ADCY10: variants seen among roughly 807,000 people sequenced by gnomAD.
ADCY10 encodes adenylate cyclase type 10.
A neutral mutation model predicts 183.3 loss-of-function variants in ADCY10; 156 were observed. That is an observed-to-expected ratio of 0.85 (90% CI 0.75 to 0.97). The LOEUF is 0.97. Ranked by LOEUF, ADCY10 falls within the 50% of genes least tolerant of loss-of-function variation. The probability of loss-of-function intolerance (pLI) is 0.00; values close to 1 mark genes in which losing one functional copy is unlikely to be tolerated. For synonymous variants in ADCY10, 645 were observed against 670.0 expected, an observed-to-expected ratio of 0.96 and a Z score of 0.58; for missense variants, 1,745 against 1,934.3, an observed-to-expected ratio of 0.90 and a Z score of 1.84.
intron 1 of ADCY10, among the ~76,000 whole-genome samples, chr1:167,905,548 A>G (rs1669753670): frequency 6.6e-6 from 1 of 151,198 alleles, no homozygotes; most frequent in African/African-American, 2.4e-5. Flanking sequence ...TTCTGTCCTC[A>G]TGTTTCCTTT....
intron 13 of ADCY10, 85 bp downstream of exon 13, chr1:167,875,046 A>T: frequency 9.1e-7 from 1 of 1,098,102 alleles, no homozygotes; most frequent in Non-Finnish European, 1.4e-6. Context: ...TAATTCATTA[A>T]GCTGCACAGT....
chr1:167,899,681 A>C, intron 5 of ADCY10, 53 bp from the exon 6 acceptor site: 1 of 1,568,414 alleles, frequency 6.4e-7, no homozygotes, highest in Admixed American at 1.7e-5. Flanking sequence ...ATTATTTCCC[A>C]GCAGCACAGG....
intron 30 of ADCY10, chr1:167,820,123 A>G (rs935412475): frequency 1.3e-5 from 21 of 1,558,784 alleles, no homozygotes; most frequent in Non-Finnish European, 1.8e-5. Flanking sequence ...CTTTTGGACC[A>G]TGACTCAGCT....
chr1:167,824,094 GT>G (rs1292795618), intron 28 of ADCY10, among the ~76,000 whole-genome samples: 1 of 152,254 alleles, frequency 6.6e-6, no homozygotes, highest in Non-Finnish European at 1.5e-5. Context: ...GCTGAGGTGG[GT>G]GGGTCACTTG....
intron 21 of ADCY10, among the ~76,000 whole-genome samples, chr1:167,841,746 T>C (rs1317931954): frequency 6.6e-6 from 1 of 152,092 alleles, no homozygotes; most frequent in Non-Finnish European, 1.5e-5. Context: ...CCACTGGGAT[T>C]ATAGGCATGA....
intron 16 of ADCY10, among the ~76,000 whole-genome samples, chr1:167,858,599 T>C (rs961661616): frequency 6.7e-6 from 1 of 149,012 alleles, no homozygotes; most frequent in Non-Finnish European, 1.5e-5. Context: ...TAGTATAGAG[T>C]GTATAGTATA....
chr1:167,848,264 T>A (rs900440802), intron 19 of ADCY10, 97 bp downstream of exon 19: 35 of 980,080 alleles, frequency 3.6e-5, no homozygotes, highest in Non-Finnish European at 5.5e-5. Context: ...TTGGCCAGGC[T>A]GGTCTCAAAC....
At chr1:167,831,820 T>TA (rs1032152176) in intron 25 of ADCY10, among the ~76,000 whole-genome samples, 1 of 152,190 alleles carries the variant, frequency 6.6e-6, no homozygotes, top group Non-Finnish European at 1.5e-5. Flanking sequence ...AGATGTATAC[T>TA]AAAAAAAGTA....
intron 13 of ADCY10, among the ~76,000 whole-genome samples, chr1:167,871,751 T>A (rs1667120542): frequency 1.3e-5 from 2 of 152,252 alleles, no homozygotes; most frequent in Non-Finnish European, 2.9e-5. Context: ...GTGCTTTGCT[T>A]GGTAATATAC....
Position 167,856,403 on chromosome 1 carries a change from C to T in ADCY10, c.1933G>A (p.Glu645Lys). The T allele has an allele frequency of 3.7e-6, 6 of 1,614,160 alleles. No individual in the cohort carries two copies. The highest frequency in any genetic ancestry group is 5.1e-6 in the Non-Finnish European group (6 of 1,180,030). The change falls in exon 17 of 33, where the codon GAG (glutamate) becomes AAG (lysine). Residue 645 changes from glutamate to lysine, a missense_variant. By Grantham distance (56) the Glu-to-Lys change is moderately conservative. Transcript: ENST00000367851. ...GAGGTCGAATCCACAAACTGGGCCT[C>T]ATCAATGATAAAAATAATCCTTTCC... ...KEERIIFIID[E>K]AQFVDSTSWR... is the part of the protein sequence containing the mutation.
At chr1:167,896,151 C>T (rs1294985785) in intron 7 of ADCY10, among the ~76,000 whole-genome samples, 4 of 151,668 alleles carry the variant, frequency 2.6e-5, no homozygotes, top group Admixed American at 1.3e-4. Flanking sequence ...TAGGTGTCAG[C>T]GGTGCAAGAC....
chr1:167,864,216 ATGTGGTG>A (rs1415751616), intron 14 of ADCY10, among the ~76,000 whole-genome samples: 10 of 152,190 alleles, frequency 6.6e-5, no homozygotes. Flanking sequence ...TGTGGTGTGC[ATGTGGTG>A]TGAGAGTGGT....
chr1:167,861,372 C>T (rs1448945663), intron 14 of ADCY10, among the ~76,000 whole-genome samples: 2 of 152,320 alleles, frequency 1.3e-5, no homozygotes, highest in East Asian at 3.9e-4. Context: ...CATTGCCTAA[C>T]GGCATGAACC....
chr1:167,901,678 G>A lies in ADCY10; in HGVS notation c.420C>T (p.Asp140=), dbSNP rs1669434755. Residue 140 remains aspartate (D), a synonymous_variant, in exon 5 of 33, where the codon GAC becomes GAT. Coordinates refer to ENST00000367851, the MANE Select transcript of ADCY10 (RefSeq NM_018417.6). Reference sequence around the variant, plus strand: ...AATGCTTACCTATCTTGACTCGGATGTCTAGGCCTTCTTCCCACTCCTGGG... The same window carrying A: ...AATGCTTACCTATCTTGACTCGGATATCTAGGCCTTCTTCCCACTCCTGGG... ...FETQEWEEGL[D]IRVKIGLAAG... is the part of the protein sequence containing the mutation. The A allele has an allele frequency of 2.5e-6, 4 of 1,614,162 alleles. No homozygotes were observed. In the East Asian group the frequency reaches 8.9e-5, roughly 36 times the overall value.
At position 167,832,992 on chromosome 1, in the gene ADCY10, A is replaced by T; in HGVS notation, c.3588T>A (p.Pro1196=). Residue 1196 remains proline (P), a synonymous_variant, in exon 25 of 33, where the codon CCT becomes CCA. Transcript: ENST00000367851. The part of the protein sequence containing the change: ...YVNRQAQESP[P]PGKKRLAQLY... ...TCCCCAGCTCCTTCCCTTACCCTGG[A>T]GGTGGGCTCTCTTGGGCCTGCCGAT... 6.2e-7 allele frequency: 1 copy of T among 1,613,766 alleles called. No individual in the cohort carries two copies. The highest frequency in any genetic ancestry group is 8.5e-7 in the Non-Finnish European group (1 of 1,179,904).
chr1:167,861,044 T>G lies in ADCY10; in HGVS notation c.1636A>C (p.Asn546His). Reference protein sequence around the residue: ...KNHRIIAISLNKISFHQTFYT... With the variant: ...KNHRIIAISLHKISFHQTFYT... ...AAAGTTTGATGGAAGCTGATCTTAT[T>G]CAATGAAATGGCAATAATCCTGTTT... The change falls in exon 15 of 33, where the codon AAT becomes CAT. Residue 546 changes from asparagine to histidine, a missense_variant. Transcript: ENST00000367851. 1 of 1,614,120 alleles carries G rather than the reference T, an allele frequency of 6.2e-7. No homozygotes were observed. Among genetic ancestry groups the G allele is most frequent in the Non-Finnish European group, 8.5e-7 (1 of 1,179,968 alleles).
chr1:167,885,249 T>C (rs989405658), intron 8 of ADCY10, among the ~76,000 whole-genome samples: 2 of 152,218 alleles, frequency 1.3e-5, no homozygotes, highest in Admixed American at 6.5e-5. Flanking sequence ...GCAGTAAACA[T>C]GGGAGTGTAG....
chr1:167,908,481 C>T (rs142651811), intron 1 of ADCY10, among the ~76,000 whole-genome samples: 212 of 152,168 alleles, frequency 1.4e-3, no homozygotes, highest in Middle Eastern at 3.4e-3. Context: ...GGAGATCTAA[C>T]CTAGAGCAAG....
At chr1:167,820,010 T>C (rs908069840) in intron 30 of ADCY10, 136 of 1,547,968 alleles carry the variant, frequency 8.8e-5, no homozygotes, top group Non-Finnish European at 1.2e-4. Flanking sequence ...CCTTGGGACT[T>C]TCTTCTTTTT....
Sources: allele counts gnomAD v4.1 joint callset (sites outside exome capture counted in the v4.1 genomes callset), GRCh38; gene constraint gnomAD v4.1.1; transcripts MANE v1.5; gene names NCBI Gene and HGNC (gene_info 2026-07-23, HGNC 2026-07-21).